CAAP1: variants seen among roughly 807,000 people sequenced by gnomAD.
CAAP1 encodes caspase activity and apoptosis inhibitor 1.
CAAP1 carries 20 observed loss-of-function variants against 34.0 expected under a neutral mutation model. The ratio of observed to expected loss-of-function variants is 0.59; its 90% CI spans 0.41 to 0.86. The LOEUF (loss-of-function observed/expected upper bound fraction) is 0.86, where lower values mean the gene tolerates loss of function less well. Among genes scored for constraint, CAAP1 ranks in the 40% least tolerant of loss-of-function variants. The pLI, the probability that CAAP1 is intolerant of heterozygous loss-of-function variation, is 0.00. For missense variants in CAAP1, 538 were observed against 450.5 expected, an observed-to-expected ratio of 1.19 and a Z score of -1.76; for synonymous variants, 213 against 166.7, an observed-to-expected ratio of 1.28 and a Z score of -2.14.
chr9:26,887,588 TTTTCA>T, intron 1 of CAAP1, 75 bp from the exon 2 acceptor site: 1 of 842,266 alleles, frequency 1.2e-6, no homozygotes, highest in Non-Finnish European at 1.8e-6. Context: ...ACATCATACG[TTTTCA>T]TTTAATAAAT....
chr9:26,842,730 C>T, intron 5 of CAAP1, 83 bp from the exon 6 acceptor site: 1 of 1,170,870 alleles, frequency 8.5e-7, no homozygotes. Flanking sequence ...TTAAAAACTG[C>T]TTTGATCCCA....
At chr9:26,857,291 C>A (rs1020306100) in intron 5 of CAAP1, among the ~76,000 whole-genome samples, 3 of 152,212 alleles carry the variant, frequency 2.0e-5, no homozygotes, top group Non-Finnish European at 4.4e-5. Flanking sequence ...AAAACTATAA[C>A]TGATGTTTCT....
At chr9:26,892,139 G>C (rs7860830) in intron 1 of CAAP1, 670,464 of 789,234 alleles carry the variant, frequency 0.85, 285,707 homozygotes, top group East Asian at 0.94. Context: ...TTCCGGCAGA[G>C]TGAAACCATA....
chr9:26,846,415 CAAAAAAA>C (rs761402354), intron 5 of CAAP1, among the ~76,000 whole-genome samples: 6 of 61,748 alleles, frequency 9.7e-5, no homozygotes, highest in African/African-American at 2.3e-4. Flanking sequence ...GACTCTGTCT[CAAAAAAA>C]AAAAAAAAAA....
chr9:26,856,933 G>A (rs1822882437), intron 5 of CAAP1, among the ~76,000 whole-genome samples: 1 of 152,066 alleles, frequency 6.6e-6, no homozygotes, highest in Non-Finnish European at 1.5e-5. Flanking sequence ...AAGGAAAATA[G>A]TTCACAAAAT....
intron 4 of CAAP1, 88 bp downstream of exon 4, chr9:26,884,722 C>G (rs940542143): frequency 1.1e-6 from 1 of 940,008 alleles, no homozygotes; most frequent in Non-Finnish European, 1.7e-6. Context: ...AAATAAAACA[C>G]AGAAAAACAA....
At chr9:26,866,968 T>G (rs1172886899) in intron 4 of CAAP1, among the ~76,000 whole-genome samples, 1 of 151,946 alleles carries the variant, frequency 6.6e-6, no homozygotes, top group African/African-American at 2.4e-5. Context: ...AGCCGCACAG[T>G]AGGAGGTGAG....
chr9:26,875,029 T>TAC (rs1823391784), intron 4 of CAAP1, among the ~76,000 whole-genome samples: 1 of 152,280 alleles, frequency 6.6e-6, no homozygotes, highest in South Asian at 2.1e-4. Context: ...TTAAATACCA[T>TAC]ACACACACAC....
chr9:26,871,388 G>T (rs1823270759), intron 4 of CAAP1, among the ~76,000 whole-genome samples: 1 of 152,032 alleles, frequency 6.6e-6, no homozygotes, highest in South Asian at 2.1e-4. Context: ...GACGAGCCTG[G>T]CCAGCATGGT....
intron 4 of CAAP1, among the ~76,000 whole-genome samples, chr9:26,862,233 T>C (rs1414817564): frequency 2.6e-5 from 4 of 152,172 alleles, no homozygotes; most frequent in Non-Finnish European, 5.9e-5. Flanking sequence ...AATGCCAGTA[T>C]ACTACATTAA....
chr9:26,877,490 T>C (rs1420770771), intron 4 of CAAP1, among the ~76,000 whole-genome samples: 2 of 152,214 alleles, frequency 1.3e-5, no homozygotes, highest in Non-Finnish European at 2.9e-5. Flanking sequence ...TACATGCGTA[T>C]ATCATCTCTA....
chr9:26,858,185 GCTCA>G (rs1468717299), intron 5 of CAAP1, among the ~76,000 whole-genome samples: 2 of 152,142 alleles, frequency 1.3e-5, no homozygotes, highest in Non-Finnish European at 2.9e-5. Flanking sequence ...CTTTTATTGA[GCTCA>G]CTGTGAACAA....
intron 4 of CAAP1, among the ~76,000 whole-genome samples, chr9:26,884,261 A>C (rs902471100): frequency 2.6e-5 from 4 of 152,210 alleles, no homozygotes; most frequent in Non-Finnish European, 4.4e-5. Flanking sequence ...AAAACTAATA[A>C]TTAGCATGTA....
chr9:26,884,824 A>C lies in CAAP1; in HGVS notation c.651T>G (p.Ser217=). 6.2e-7 allele frequency: 1 copy of C among 1,608,432 alleles called. No homozygotes were observed. The highest frequency in any genetic ancestry group is 8.5e-7 in the Non-Finnish European group (1 of 1,178,470). The change falls in exon 4 of 6, where the codon TCT becomes TCG. Residue 217 remains serine, a synonymous_variant. Transcript: ENST00000333916. The part of the protein sequence containing the change: ...EEADDGSKMG[S]DLVSQQDICI... ...TTTAAACTTACTGACTGACTAAATC[A>C]GATCCCATCTTAGAACCATCATCTG...
intron 4 of CAAP1, among the ~76,000 whole-genome samples, chr9:26,863,211 T>C (rs1351507408): frequency 6.6e-6 from 1 of 152,050 alleles, no homozygotes; most frequent in Admixed American, 6.5e-5. Flanking sequence ...TACAACATTC[T>C]ATTTTAAGTT....
Position 26,841,605 on chromosome 9 carries a change from T to A in CAAP1, c.*696A>T, listed in dbSNP as rs983429144. 6.6e-6 allele frequency: 1 copy of A among 152,570 alleles called. No homozygotes were observed. Among genetic ancestry groups the A allele is most frequent in the Non-Finnish European group, 1.5e-5 (1 of 67,978 alleles). 9.5% of individuals were successfully genotyped at this position (152,570 alleles called of 1,614,324 possible). A position where few individuals can be genotyped will look rare whatever the true frequency, so the allele number is the denominator to read the frequency against. On this transcript the variant is annotated 3_prime_UTR_variant, in exon 6 of 6. Transcript: ENST00000333916. ...ATTTCCTGACAGCTTGGAATGTAAA[T>A]GAAAACTTGTTCCATTTTTATTAAA...
At chr9:26,852,017 A>T (rs1429697309) in intron 5 of CAAP1, among the ~76,000 whole-genome samples, 1 of 152,168 alleles carries the variant, frequency 6.6e-6, no homozygotes, top group Non-Finnish European at 1.5e-5. Context: ...TAGAGACTTG[A>T]TTCTAATTTT....
At chr9:26,846,415 CAAAAAA>C (rs761402354) in intron 5 of CAAP1, among the ~76,000 whole-genome samples, 1 of 61,746 alleles carries the variant, frequency 1.6e-5, no homozygotes, top group Non-Finnish European at 3.3e-5. Context: ...GACTCTGTCT[CAAAAAA>C]AAAAAAAAAA....
At chr9:26,849,355 T>C (rs1050736236) in intron 5 of CAAP1, among the ~76,000 whole-genome samples, 25 of 152,246 alleles carry the variant, frequency 1.6e-4, no homozygotes, top group Admixed American at 1.6e-3. Context: ...CTAAATGGTA[T>C]GTAGTATTTC....
Sources: allele counts gnomAD v4.1 joint callset (sites outside exome capture counted in the v4.1 genomes callset), GRCh38; gene constraint gnomAD v4.1.1; transcripts MANE v1.5; gene names NCBI Gene and HGNC (gene_info 2026-07-23, HGNC 2026-07-21).